The following CELF2 variants were observed in gnomAD, a reference collection of about 807,000 sequenced individuals.
The protein encoded by CELF2 is CUG triplet repeat RNA-binding protein 2.
A neutral mutation model predicts 62.6 loss-of-function variants in CELF2; 8 were observed. That is an observed-to-expected ratio of 0.13 (90% CI 0.07 to 0.23). CELF2 has a LOEUF of 0.23. Among genes scored for constraint, CELF2 ranks in the 10% least tolerant of loss-of-function variants. The pLI, the probability that CELF2 is intolerant of heterozygous loss-of-function variation, is 1.00. For missense variants in CELF2, 333 were observed against 671.0 expected, an observed-to-expected ratio of 0.50 and a Z score of 5.56; for synonymous variants, 258 against 250.0, an observed-to-expected ratio of 1.03 and a Z score of -0.30.
the CELF2 span, among the ~76,000 whole-genome samples, chr10:10,636,086 G>T: frequency 2.6e-5 from 4 of 152,236 alleles, no homozygotes; most frequent in East Asian, 5.8e-4. Context: ...AATGAATTTT[G>T]CACTCTTCCA....
chr10:10,919,865 A>G, intron 1 of CELF2: 1 of 776,218 alleles, frequency 1.3e-6, no homozygotes. Flanking sequence ...TATCTTCTTT[A>G]TACCTGATAC....
intron 3 of CELF2, among the ~76,000 whole-genome samples, chr10:11,230,395 T>G (rs370865462): frequency 6.6e-6 from 1 of 152,190 alleles, no homozygotes; most frequent in East Asian, 1.9e-4. Context: ...CGATGCTCTT[T>G]CCCTGGGAGT....
At chr10:10,608,870 T>C in the CELF2 span, among the ~76,000 whole-genome samples, 206 of 152,252 alleles carry the variant, frequency 1.4e-3, 1 homozygote, top group African/African-American at 4.7e-3. Flanking sequence ...GAACTAAAAG[T>C]ACTTGTAAAA....
chr10:11,093,959 A>G (rs2049047212), intron 1 of CELF2, among the ~76,000 whole-genome samples: 1 of 152,218 alleles, frequency 6.6e-6, no homozygotes, highest in Non-Finnish European at 1.5e-5. Flanking sequence ...TAGCCACTTA[A>G]CAATTGGTTA....
intron 1 of CELF2, among the ~76,000 whole-genome samples, chr10:10,912,074 G>T (rs1280065820): frequency 6.6e-6 from 1 of 152,114 alleles, no homozygotes; most frequent in Non-Finnish European, 1.5e-5. Flanking sequence ...CATACAGCAG[G>T]TACCCCGTAA....
the CELF2 span, among the ~76,000 whole-genome samples, chr10:10,620,008 A>G: frequency 6.6e-6 from 1 of 152,154 alleles, no homozygotes; most frequent in African/African-American, 2.4e-5. Flanking sequence ...GCCAAGTATC[A>G]CGAAAAATAA....
At chr10:10,494,128 G>A in the CELF2 span, among the ~76,000 whole-genome samples, 1 of 152,200 alleles carries the variant, frequency 6.6e-6, no homozygotes, top group Non-Finnish European at 1.5e-5. Flanking sequence ...CGGAATGAAT[G>A]CTTCACAAAC....
At chr10:10,648,447 A>G in the CELF2 span, among the ~76,000 whole-genome samples, 1 of 152,218 alleles carries the variant, frequency 6.6e-6, no homozygotes, top group Non-Finnish European at 1.5e-5. Flanking sequence ...ATGCTCTTTC[A>G]TGCATACTTA....
At chr10:11,241,400 A>G (rs1334092992) in intron 3 of CELF2, among the ~76,000 whole-genome samples, 1 of 152,080 alleles carries the variant, frequency 6.6e-6, no homozygotes, top group African/African-American at 2.4e-5. Flanking sequence ...GAGTTTCACC[A>G]TGTTGGCTAG....
intron 2 of CELF2, among the ~76,000 whole-genome samples, chr10:10,969,325 G>A (rs572896450): frequency 8.5e-5 from 13 of 152,338 alleles, no homozygotes; most frequent in Admixed American, 2.0e-4. Context: ...TAAGTCACAG[G>A]TTGGGGGTAG....
the CELF2 span, among the ~76,000 whole-genome samples, chr10:10,548,859 T>C: frequency 8.5e-5 from 13 of 152,200 alleles, no homozygotes. Context: ...GGCTAGCTCC[T>C]CTTGACCAAC....
Position 11,045,994 on chromosome 10 carries a change from G to A in CELF2, c.74+27831G>A, listed in dbSNP as rs541976307. On this transcript the variant is annotated intron_variant, in intron 1 of 12. Transcript: ENST00000633077. Reference sequence around the variant, plus strand: ...GAAGCCTCTAGGGGTAGAGGTGAAAGAAAGGAAACAAAATTTAAAATGCTC... The same window carrying A: ...GAAGCCTCTAGGGGTAGAGGTGAAAAAAAGGAAACAAAATTTAAAATGCTC... 3.9e-5 allele frequency among the ~76,000 whole-genome samples: 6 copies of A among 152,276 alleles called. No homozygotes were observed. The South Asian group carries it at 1.2e-3, about 32-fold the overall frequency.
chr10:10,557,518 C>T, the CELF2 span, among the ~76,000 whole-genome samples: 1 of 145,844 alleles, frequency 6.9e-6, no homozygotes, highest in Admixed American at 6.8e-5. Context: ...GCGATGCGAG[C>T]TCTTTTTTGG....
chr10:10,719,460 C>A, the CELF2 span, among the ~76,000 whole-genome samples: 2 of 152,114 alleles, frequency 1.3e-5, no homozygotes, highest in Non-Finnish European at 2.9e-5. Flanking sequence ...GAGATGGGGT[C>A]TTGGTATACT....
chr10:10,531,307 T>G, the CELF2 span, among the ~76,000 whole-genome samples: 2 of 152,200 alleles, frequency 1.3e-5, no homozygotes, highest in Non-Finnish European at 2.9e-5. Flanking sequence ...ATGTAGTAGA[T>G]TAGGTTTGAG....
At chr10:10,792,342 G>A in the CELF2 span, 1 of 398,312 alleles carries the variant, frequency 2.5e-6, no homozygotes, top group Non-Finnish European at 4.4e-6. Flanking sequence ...TTGTGGGGGA[G>A]TGGGGAGTGG....
intron 1 of CELF2, among the ~76,000 whole-genome samples, chr10:11,061,668 C>G (rs1267216976): frequency 6.6e-6 from 1 of 152,218 alleles, no homozygotes; most frequent in African/African-American, 2.4e-5. Context: ...TGGTGACTTT[C>G]AGTTAAGCCA....
At chr10:10,736,892 G>A in the CELF2 span, among the ~76,000 whole-genome samples, 1 of 151,932 alleles carries the variant, frequency 6.6e-6, no homozygotes, top group African/African-American at 2.4e-5. Context: ...AATACTGTAG[G>A]GATTGAAAGA....
chr10:11,312,924 C>G (rs2094652759), intron 9 of CELF2, among the ~76,000 whole-genome samples: 1 of 152,008 alleles, frequency 6.6e-6, no homozygotes, highest in Non-Finnish European at 1.5e-5. Context: ...ACAGAGCGAG[C>G]CTCTGTCTCA....
Sources: allele counts gnomAD v4.1 joint callset (sites outside exome capture counted in the v4.1 genomes callset), GRCh38; gene constraint gnomAD v4.1.1; transcripts MANE v1.5; gene names NCBI Gene and HGNC (gene_info 2026-07-23, HGNC 2026-07-21).